The following TRIM60 variants were observed in gnomAD, a reference collection of about 807,000 sequenced individuals.
The protein encoded by TRIM60 is tripartite motif-containing protein 60.
For missense variants in TRIM60, 524 were observed against 540.8 expected (o/e 0.97, Z 0.31); for synonymous variants, 189 against 195.2 (o/e 0.97, Z 0.27).
At chr4:165,038,437 C>T (rs1733672061) in intron 1 of TRIM60, among the ~76,000 whole-genome samples, 1 of 151,580 alleles carries the variant, frequency 6.6e-6, no homozygotes, top group Non-Finnish European at 1.5e-5. Flanking sequence ...ACCTATAATC[C>T]CAGCACTTTG....
chr4:165,037,891 T>G (rs1268988062), intron 1 of TRIM60, among the ~76,000 whole-genome samples: 1 of 152,234 alleles, frequency 6.6e-6, no homozygotes, highest in African/African-American at 2.4e-5. Flanking sequence ...TGATTCACTT[T>G]CTTGAAGATC....
At chr4:165,038,735 G>T (rs980935674) in intron 1 of TRIM60, among the ~76,000 whole-genome samples, 1 of 151,186 alleles carries the variant, frequency 6.6e-6, no homozygotes, top group Admixed American at 6.6e-5. Flanking sequence ...GTATGATTTG[G>T]ATTTCTTCAT....
At chr4:165,035,333 G>A (rs988052126) in intron 1 of TRIM60, among the ~76,000 whole-genome samples, 1 of 151,970 alleles carries the variant, frequency 6.6e-6, no homozygotes, top group Non-Finnish European at 1.5e-5. Flanking sequence ...CAAAGTGCTG[G>A]GATTACAGAT....
intron 1 of TRIM60, among the ~76,000 whole-genome samples, chr4:165,038,795 C>T (rs1353616288): frequency 6.6e-6 from 1 of 151,414 alleles, no homozygotes; most frequent in Admixed American, 6.6e-5. Context: ...TATTATAGGC[C>T]AGGTGCGGTG....
chr4:165,034,853 T>C (rs534555680), intron 1 of TRIM60, among the ~76,000 whole-genome samples: 113 of 152,264 alleles, frequency 7.4e-4, no homozygotes, highest in African/African-American at 2.7e-3. Flanking sequence ...CAGTGAGAGA[T>C]ATAGTAGCTT....
rs868602466 is a variant in TRIM60 at position 165,041,245 on chromosome 4, C to T, written c.1173C>T (p.Tyr391=). Residue 391 remains tyrosine, a synonymous_variant, in exon 3 of 3, where the codon TAC becomes TAT. Transcript: ENST00000512596. Reference sequence around the variant, plus strand: ...GCGGATTCTGGGCAATTGGGCGATACATGAAGAGTGGTTATGTTGCGTCAG... The same window carrying T: ...GCGGATTCTGGGCAATTGGGCGATATATGAAGAGTGGTTATGTTGCGTCAG... ...VLGGFWAIGR[Y]MKSGYVASGP... The T allele has an allele frequency of 1.9e-5, 30 of 1,614,046 alleles. No individual in the cohort carries two copies. In the Middle Eastern group the frequency reaches 2.3e-3, roughly 124 times the overall value.
intron 1 of TRIM60, among the ~76,000 whole-genome samples, chr4:165,035,921 T>C (rs1011669555): frequency 2.0e-5 from 3 of 152,006 alleles, no homozygotes; most frequent in Admixed American, 6.6e-5. Context: ...CAGGGTTTCA[T>C]CATGTTGGCT....
At chr4:165,032,720 T>C (rs931706660) in intron 1 of TRIM60, among the ~76,000 whole-genome samples, 1 of 152,146 alleles carries the variant, frequency 6.6e-6, no homozygotes, top group Non-Finnish European at 1.5e-5. Context: ...GCGGATTTTG[T>C]CTCCTTCCGT....
Position 165,041,673 on chromosome 4 carries a change from C to T in TRIM60, c.*185C>T. 1 of 411,960 alleles carries T rather than the reference C, an allele frequency of 2.4e-6. No homozygotes were observed. The highest frequency in any genetic ancestry group is 4.4e-6 in the Non-Finnish European group (1 of 225,780). The allele number at this position is 411,960 out of a possible 1,614,324, so 25.5% of individuals were successfully genotyped here. A position where few individuals can be genotyped will look rare whatever the true frequency, so the allele number is the denominator to read the frequency against. On this transcript the variant is annotated 3_prime_UTR_variant, in exon 3 of 3. Transcript: ENST00000512596. ...TTCTATGAATATCAATTGTCAGGTGCTTTGATTTCTAAGATAAAATATTTT... is the reference window on the plus strand; with the variant it reads ...TTCTATGAATATCAATTGTCAGGTGTTTTGATTTCTAAGATAAAATATTTT...
intron 1 of TRIM60, among the ~76,000 whole-genome samples, chr4:165,035,068 T>C (rs575967525): frequency 1.3e-5 from 2 of 152,226 alleles, no homozygotes; most frequent in African/African-American, 4.8e-5. Flanking sequence ...TTATTTGAGG[T>C]TATAACTTAA....
chr4:165,039,451 C>T (rs1002184014), intron 2 of TRIM60, 199 bp downstream of exon 2: 1 of 152,300 alleles, frequency 6.6e-6, no homozygotes, highest in Non-Finnish European at 1.5e-5. Context: ...GGGATGACCG[C>T]TGTATTATAA....
chr4:165,032,583 C>G (rs1001359861), intron 1 of TRIM60, among the ~76,000 whole-genome samples: 2 of 152,098 alleles, frequency 1.3e-5, no homozygotes, highest in Admixed American at 6.5e-5. Flanking sequence ...AGTGGGACCC[C>G]GATGATTGAA....
rs780234367 is a variant in TRIM60, at chr4:165,041,587, A to C, written c.*99A>C. 42 of 862,402 alleles carry C rather than the reference A, an allele frequency of 4.9e-5. No homozygotes were observed. Among genetic ancestry groups the C allele is most frequent in the Non-Finnish European group, 6.8e-5 (41 of 602,308 alleles). The allele number at this position is 862,402 out of a possible 1,614,324, so 53.4% of individuals were successfully genotyped here. ...TTTAAGTTTTACCACTGAAAACCAG[A>C]GTCGATTTTTCTCCTAAATTTTTGG... On this transcript the variant is annotated 3_prime_UTR_variant, in exon 3 of 3. Coordinates refer to ENST00000512596, the MANE Select transcript of TRIM60 (RefSeq NM_152620.3).
intron 1 of TRIM60, among the ~76,000 whole-genome samples, chr4:165,038,294 A>G (rs1378330801): frequency 1.3e-5 from 2 of 152,164 alleles, no homozygotes; most frequent in Non-Finnish European, 2.9e-5. Context: ...TACATACTCC[A>G]TTTTTTCAAT....
At chr4:165,034,029 A>G (rs575963973) in intron 1 of TRIM60, among the ~76,000 whole-genome samples, 1 of 152,334 alleles carries the variant, frequency 6.6e-6, no homozygotes, top group South Asian at 2.1e-4. Flanking sequence ...GCTGTTCTTT[A>G]AACTTCATTG....
intron 1 of TRIM60, 137 bp from the exon 2 acceptor site, chr4:165,039,064 A>C (rs1733687880): frequency 6.6e-6 from 1 of 152,102 alleles, no homozygotes; most frequent in Non-Finnish European, 1.5e-5. Context: ...CATCTCAAAA[A>C]ATAATAGCAA....
At chr4:165,032,554 C>G (rs12511595) in intron 1 of TRIM60, among the ~76,000 whole-genome samples, 31,854 of 152,096 alleles carry the variant, frequency 0.21, 3,571 homozygotes, top group Admixed American at 0.31. Context: ...CGGCCGGATT[C>G]TGTTTTCGCC....
rs539303433 is a variant in TRIM60 at position 165,040,251 on chromosome 4, T to C, written c.179T>C (p.Phe60Ser). Residue 60 changes from phenylalanine to serine, a missense_variant, in exon 3 of 3, where the codon TTT becomes TCT. By Grantham distance (155) the Phe-to-Ser change is radical. Coordinates refer to ENST00000512596, the MANE Select transcript of TRIM60 (RefSeq NM_152620.3). ...TFPCPVCRFC[F>S]PYKSFRRNPQ... ...CCCTGTCCTGTCTGCCGTTTTTGCT[T>C]TCCATACAAGAGCTTCAGGAGGAAC... 14 of 1,614,088 alleles carry C rather than the reference T, an allele frequency of 8.7e-6. No homozygotes were observed. The highest frequency in any genetic ancestry group is 1.0e-5 in the Non-Finnish European group (12 of 1,180,048).
chr4:165,037,414 C>T (rs1166822503), intron 1 of TRIM60, among the ~76,000 whole-genome samples: 3 of 151,786 alleles, frequency 2.0e-5, no homozygotes, highest in Non-Finnish European at 4.4e-5. Flanking sequence ...ACCTCTGCCT[C>T]CCGGGTTCAA....
Sources: allele counts gnomAD v4.1 joint callset (sites outside exome capture counted in the v4.1 genomes callset), GRCh38; gene constraint gnomAD v4.1.1; transcripts MANE v1.5; gene names NCBI Gene and HGNC (gene_info 2026-07-23, HGNC 2026-07-21).